CGNL1: variants seen among roughly 807,000 people sequenced by gnomAD.
CGNL1 encodes the protein cingulin like 1, also known as cingulin-like protein 1.
In CGNL1, 132 loss-of-function variants were observed where a neutral mutation model predicts 141.2. That is an observed-to-expected ratio of 0.93 (90% CI 0.81 to 1.08). CGNL1 has a LOEUF of 1.08. Among genes scored for constraint, CGNL1 ranks in the 50% least tolerant of loss-of-function variants. The pLI, the probability that CGNL1 is intolerant of heterozygous loss-of-function variation, is 0.00. For synonymous variants in CGNL1, 690 were observed against 622.1 expected (o/e 1.11, Z -1.63); for missense variants, 1,870 against 1,588.6 (o/e 1.18, Z -3.01).
At chr15:57,500,820 C>T (rs2064013716) in intron 8 of CGNL1, among the ~76,000 whole-genome samples, 1 of 152,150 alleles carries the variant, frequency 6.6e-6, no homozygotes, top group Admixed American at 6.5e-5. Context: ...TAACTGAATG[C>T]TTATTTTAGG....
chr15:57,501,521 A>G (rs2064024433), intron 8 of CGNL1, among the ~76,000 whole-genome samples: 1 of 152,232 alleles, frequency 6.6e-6, no homozygotes, highest in Non-Finnish European at 1.5e-5. Context: ...CTTATTGTCC[A>G]GTTCCCCAGG....
intron 1 of CGNL1, among the ~76,000 whole-genome samples, chr15:57,417,172 C>T (rs1203848753): frequency 2.0e-5 from 3 of 152,170 alleles, no homozygotes; most frequent in East Asian, 1.9e-4. Flanking sequence ...TGCACTATTA[C>T]GTATCTAGTT....
intron 8 of CGNL1, among the ~76,000 whole-genome samples, chr15:57,483,748 T>G (rs1197504863): frequency 6.6e-6 from 1 of 152,190 alleles, no homozygotes; most frequent in African/African-American, 2.4e-5. Context: ...ATTATAGATC[T>G]TTTGTGAATT....
In CGNL1 at chr15:57,547,559, G is replaced by A; in HGVS notation, c.*69G>A. The A allele has an allele frequency of 1.3e-6, 2 of 1,562,782 alleles. No homozygotes were observed. The highest frequency in any genetic ancestry group is 8.7e-7 in the Non-Finnish European group (1 of 1,149,672). ...CTGCAGCCACCCAAAGTGGGAGGCA[G>A]GGAGGGGAGCATCTGTCTGCCACTG... On this transcript the variant is annotated 3_prime_UTR_variant, in exon 19 of 19. Transcript: ENST00000281282.
chr15:57,439,621 T>C lies in CGNL1; in HGVS notation c.1602+20T>C, dbSNP rs780569144. On this transcript the variant is annotated intron_variant, in intron 2 of 18. Transcript: ENST00000281282. ...ACTCAGGTAACACTAGTGCGATTCC[T>C]GTTTGGTTTTTTTTCTCTTCCTTCT... The C allele has an allele frequency of 5.0e-6, 8 of 1,601,284 alleles. No individual in the cohort carries two copies. In the South Asian group the frequency reaches 8.9e-5, roughly 18 times the overall value.
At position 57,453,743 on chromosome 15, in the gene CGNL1, C is replaced by T. The variant is rs1382843262; in HGVS notation, c.2115C>T (p.Asp705=). Residue 705 remains aspartate, a synonymous_variant, in exon 7 of 19, where the codon GAC becomes GAT. Transcript: ENST00000281282. ...QHQTEIRDLQ[D]QLSEMHDELD... ...AGACTGAGATCAGGGATCTCCAGGACCAGCTCTCAGAAATGCACGATGAAC... is the reference window on the plus strand; with the variant it reads ...AGACTGAGATCAGGGATCTCCAGGATCAGCTCTCAGAAATGCACGATGAAC... 6.2e-7 allele frequency: 1 copy of T among 1,613,928 alleles called. No individual in the cohort carries two copies. Among genetic ancestry groups the T allele is most frequent in the Non-Finnish European group, 8.5e-7 (1 of 1,179,936 alleles).
intron 1 of CGNL1, among the ~76,000 whole-genome samples, chr15:57,437,619 C>CAAAAAAAAAAAAAAA (rs540499763): frequency 6.9e-4 from 25 of 36,078 alleles, no homozygotes; most frequent in Non-Finnish European, 9.2e-4. Context: ...AACTAAACAG[C>CAAAAAAAAAAAAAAA]AAAAAAAAAA....
chr15:57,526,403 C>G (rs540261715), intron 12 of CGNL1, among the ~76,000 whole-genome samples: 1 of 151,998 alleles, frequency 6.6e-6, no homozygotes, highest in African/African-American at 2.4e-5. Context: ...CTCTCTGGAT[C>G]CTTAAAAAAC....
intron 6 of CGNL1, among the ~76,000 whole-genome samples, chr15:57,452,860 A>G (rs1486325338): frequency 5.9e-5 from 9 of 152,198 alleles, no homozygotes; most frequent in Admixed American, 4.6e-4. Flanking sequence ...CAGAAGCCTT[A>G]AGTGGAAAGT....
At chr15:57,446,684 T>G (rs2063256650) in intron 4 of CGNL1, among the ~76,000 whole-genome samples, 1 of 117,600 alleles carries the variant, frequency 8.5e-6, no homozygotes. Flanking sequence ...TTTTTTTTTT[T>G]GTAAACACAC....
intron 14 of CGNL1, among the ~76,000 whole-genome samples, chr15:57,535,338 A>C (rs2032202870): frequency 6.6e-6 from 1 of 152,260 alleles, no homozygotes; most frequent in Non-Finnish European, 1.5e-5. Context: ...GACCTAAAAA[A>C]TTGATAACTA....
intron 1 of CGNL1, among the ~76,000 whole-genome samples, chr15:57,384,202 A>G (rs1194094719): frequency 6.6e-6 from 1 of 152,128 alleles, no homozygotes; most frequent in Non-Finnish European, 1.5e-5. Flanking sequence ...TGCAGGCCTG[A>G]GTCCAACTTT....
intron 8 of CGNL1, among the ~76,000 whole-genome samples, chr15:57,468,698 T>G (rs1182916498): frequency 6.6e-6 from 1 of 152,100 alleles, no homozygotes; most frequent in Non-Finnish European, 1.5e-5. Flanking sequence ...TTTCTTTTAT[T>G]AGGGACTGAT....
At position 57,520,861 on chromosome 15, in the gene CGNL1, C is replaced by T. The variant is rs544837743; in HGVS notation, c.2715+2364C>T. On this transcript the variant is annotated intron_variant, in intron 10 of 18. Transcript: ENST00000281282. ...ACCAACTTCCTTCTGGTTAAGCTGC[C>T]CATTCCTTGACACCCATAGGCTCAC... 3.3e-5 allele frequency among the ~76,000 whole-genome samples: 5 copies of T among 152,192 alleles called. No individual in the cohort carries two copies. The South Asian group carries it at 1.0e-3, about 32-fold the overall frequency.
chr15:57,384,478 G>A (rs547263637), intron 1 of CGNL1, among the ~76,000 whole-genome samples: 183 of 152,252 alleles, frequency 1.2e-3, no homozygotes, highest in African/African-American at 4.3e-3. Context: ...CTTGCTGTCC[G>A]GCTCTGAGCT....
At position 57,549,140 on chromosome 15, in the gene CGNL1, C is replaced by T. The variant is rs8042744; in HGVS notation, c.*1650C>T. The T allele has an allele frequency of 6.6e-6, 1 of 152,248 alleles. No homozygotes were observed. Among genetic ancestry groups the T allele is most frequent in the Non-Finnish European group, 1.5e-5 (1 of 68,082 alleles). The allele number at this position is 152,248 out of a possible 1,614,324, so 9.4% of individuals were successfully genotyped here. On this transcript the variant is annotated 3_prime_UTR_variant, in exon 19 of 19. Transcript: ENST00000281282. ...GGAGCATAGCATCGGGAGGATGCTA[C>T]ATATCCAGGGACTCCCTCCTGGCCT...
intron 7 of CGNL1, among the ~76,000 whole-genome samples, chr15:57,459,183 G>A (rs1302321507): frequency 6.6e-6 from 1 of 152,178 alleles, no homozygotes; most frequent in Non-Finnish European, 1.5e-5. Flanking sequence ...TTATGCAGAA[G>A]CCACAAGTGA....
intron 1 of CGNL1, among the ~76,000 whole-genome samples, chr15:57,400,307 G>T (rs1045557380): frequency 6.6e-6 from 1 of 152,052 alleles, no homozygotes; most frequent in South Asian, 2.1e-4. Context: ...CTCATTCTTA[G>T]GTCTGCCTTT....
At chr15:57,519,289 A>G (rs903693866) in intron 10 of CGNL1, among the ~76,000 whole-genome samples, 3 of 152,038 alleles carry the variant, frequency 2.0e-5, no homozygotes, top group Non-Finnish European at 4.4e-5. Flanking sequence ...GTCTAAGAGG[A>G]AGGTTGTTAA....
Sources: allele counts gnomAD v4.1 joint callset (sites outside exome capture counted in the v4.1 genomes callset), GRCh38; gene constraint gnomAD v4.1.1; transcripts MANE v1.5; gene names NCBI Gene and HGNC (gene_info 2026-07-23, HGNC 2026-07-21).